ZNF568: variants seen among roughly 807,000 people sequenced by gnomAD.
ZNF568 encodes the protein p53 inhibitor of SCO2 activation.
Under a neutral mutation model 18.1 loss-of-function variants are expected in ZNF568, and 11 were observed. The observed-to-expected ratio is 0.61, with a 90% CI of 0.38 to 1.00. ZNF568 has a LOEUF of 1.00. ZNF568 is among the 50% of genes least tolerant of loss of function. The pLI, the probability that ZNF568 is intolerant of heterozygous loss-of-function variation, is 0.01. For missense variants in ZNF568, 639 were observed against 768.2 expected (o/e 0.83, Z 1.99); for synonymous variants, 213 against 246.6 (o/e 0.86, Z 1.28).
intron 4 of ZNF568, among the ~76,000 whole-genome samples, chr19:36,994,780 T>C (rs1332683800): frequency 1.3e-5 from 2 of 152,136 alleles, no homozygotes; most frequent in African/African-American, 4.8e-5. Context: ...GATGTGATTC[T>C]CCTGCCTCAG....
downstream of ZNF568, among the ~76,000 whole-genome samples, chr19:36,983,979 A>G (rs753558179): frequency 8.4e-5 from 12 of 142,504 alleles, no homozygotes; most frequent in Non-Finnish European, 1.6e-4. Flanking sequence ...GCTCACTGCA[A>G]CCTCCACTTC....
chr19:36,929,645 A>G (rs1034632193), intron 4 of ZNF568, among the ~76,000 whole-genome samples: 2 of 148,792 alleles, frequency 1.3e-5, no homozygotes, highest in African/African-American at 5.0e-5. Context: ...AGATCGCACC[A>G]TTGCACTCCA....
At position 36,962,281 on chromosome 19, in the gene ZNF568, T is replaced by TG. The variant is rs1340051339; in HGVS notation, c.359-12139_359-12138insG. Among the ~76,000 whole-genome samples the TG allele has an allele frequency of 2.4e-4, 28 of 117,636 alleles. No individual in the cohort carries two copies. In the East Asian group the frequency reaches 5.1e-3, roughly 21 times the overall value. 77.2% of individuals were successfully genotyped at this position (117,636 alleles called of 152,430 possible). On this transcript the variant is annotated intron_variant, in intron 6 of 7. Coordinates refer to the ZNF568 transcript ENST00000427117. ...CATGATGGTAAGTGTTGCAGTGTTT[T>TG]TTTTTTTTTTTTTTTTTTTGCTTCC...
downstream of ZNF568, among the ~76,000 whole-genome samples, chr19:36,981,187 C>A (rs960358586): frequency 6.6e-6 from 1 of 152,112 alleles, no homozygotes; most frequent in Non-Finnish European, 1.5e-5. Context: ...CTAATCTGTC[C>A]GTCCGTTTGT....
intron 7 of ZNF568, chr19:36,976,245 G>C (rs549610917): frequency 1.3e-4 from 19 of 151,450 alleles, no homozygotes; most frequent in African/African-American, 4.6e-4. Flanking sequence ...TTTTTTTTCA[G>C]AGTGGGTTCA....
chr19:36,981,566 C>T (rs1171670010), downstream of ZNF568, among the ~76,000 whole-genome samples: 2 of 151,694 alleles, frequency 1.3e-5, no homozygotes, highest in African/African-American at 4.8e-5. Context: ...TTGTGTTTTT[C>T]TTAGATGACA....
At chr19:36,981,815 G>A (rs56164667), downstream of ZNF568, among the ~76,000 whole-genome samples, 1 of 151,892 alleles carries the variant, frequency 6.6e-6, no homozygotes, top group African/African-American at 2.4e-5. Context: ...ATGAGGCTGC[G>A]GTGAGCTATG....
At chr19:36,957,670 A>G (rs1009820611), downstream of ZNF568, among the ~76,000 whole-genome samples, 1 of 152,196 alleles carries the variant, frequency 6.6e-6, no homozygotes, top group Admixed American at 6.6e-5. Flanking sequence ...GGAGGACTTG[A>G]GAAACAAAGA....
rs761673187 is a variant in ZNF568 at position 36,936,787 on chromosome 19, G to T, written c.177G>T (p.Gln59His). The change falls in exon 5 of 7, where the codon CAG (glutamine) becomes CAT (histidine). Residue 59 changes from glutamine (Q) to histidine (H), a missense_variant. Transcript: ENST00000333987. ...AGGATGTGGCTGTTGACCTTACCCA[G>T]GAGGAGTGGGAGCAAATGAAACCTG... ...TFKDVAVDLT[Q>H]EEWEQMKPAQ... 3 of 1,613,932 alleles carry T rather than the reference G, an allele frequency of 1.9e-6. No homozygotes were observed. The highest frequency in any genetic ancestry group is 2.5e-6 in the Non-Finnish European group (3 of 1,179,858).
intron 7 of ZNF568, chr19:36,978,980 A>AT (rs2074307680): frequency 9.2e-6 from 3 of 326,094 alleles, no homozygotes; most frequent in African/African-American, 2.6e-5. Flanking sequence ...TATTGTAACT[A>AT]TCTTTTTTTT....
At chr19:36,972,230 A>T (rs572576086) in intron 6 of ZNF568, among the ~76,000 whole-genome samples, 1 of 152,260 alleles carries the variant, frequency 6.6e-6, no homozygotes, top group African/African-American at 2.4e-5. Context: ...TAGCACTTTT[A>T]GTAACACAAA....
At chr19:36,940,218 C>T (rs1470331560) in intron 6 of ZNF568, among the ~76,000 whole-genome samples, 3 of 152,182 alleles carry the variant, frequency 2.0e-5, no homozygotes, top group East Asian at 1.9e-4. Flanking sequence ...GAATATGTAT[C>T]TTTAATGCCT....
chr19:36,948,126 C>T (rs1249612233), intron 6 of ZNF568, among the ~76,000 whole-genome samples: 1 of 152,194 alleles, frequency 6.6e-6, no homozygotes, highest in Non-Finnish European at 1.5e-5. Context: ...AAACTCCTCT[C>T]TCTTCCTCCT....
At chr19:36,933,001 C>CT (rs1305481128) in intron 4 of ZNF568, among the ~76,000 whole-genome samples, 1 of 152,032 alleles carries the variant, frequency 6.6e-6, no homozygotes, top group African/African-American at 2.4e-5. Flanking sequence ...TGATGATGTC[C>CT]TTAGAAGCAC....
chr19:36,953,424 T>A (rs1481704975), downstream of ZNF568, among the ~76,000 whole-genome samples: 1 of 152,206 alleles, frequency 6.6e-6, no homozygotes, highest in African/African-American at 2.4e-5. Context: ...AACTCTTGAC[T>A]TACACAGCCC....
chr19:36,974,072 G>A (rs1031311542), intron 6 of ZNF568, among the ~76,000 whole-genome samples: 1 of 152,098 alleles, frequency 6.6e-6, no homozygotes, highest in Non-Finnish European at 1.5e-5. Flanking sequence ...CCATAAAGGT[G>A]CCCCCAGCCT....
chr19:36,956,573 T>C (rs1324628794), downstream of ZNF568, among the ~76,000 whole-genome samples: 1 of 151,826 alleles, frequency 6.6e-6, no homozygotes, highest in Non-Finnish European at 1.5e-5. Flanking sequence ...TTTGCAACAG[T>C]AGTCCTCAAA....
chr19:36,924,626 C>T (rs1209376826), intron 3 of ZNF568, among the ~76,000 whole-genome samples: 7 of 150,068 alleles, frequency 4.7e-5, no homozygotes, highest in South Asian at 2.1e-4. Context: ...GTCAGGAGTT[C>T]GAAACCAGCC....
chr19:36,967,092 A>C (rs534658965), intron 6 of ZNF568, among the ~76,000 whole-genome samples: 57 of 152,208 alleles, frequency 3.7e-4, no homozygotes, highest in Non-Finnish European at 6.8e-4. Flanking sequence ...CCAGCATCAC[A>C]CTGAGCTACA....
Sources: gnomAD v4.1 joint callset for allele counts (sites outside exome capture counted in the v4.1 genomes callset) on GRCh38, gnomAD v4.1.1 for gene constraint, MANE v1.5 for transcripts, NCBI Gene and HGNC (gene_info 2026-07-23, HGNC 2026-07-21) for gene names.